PJA2: variants seen among roughly 807,000 people sequenced by gnomAD.
The protein encoded by PJA2 is praja ring finger ubiquitin ligase 2.
A neutral mutation model predicts 69.3 loss-of-function variants in PJA2; 25 were observed. That is an observed-to-expected ratio of 0.36 (90% CI 0.26 to 0.50). The LOEUF is 0.50. PJA2 is among the 20% of genes least tolerant of loss of function. The pLI is 0.96. For synonymous variants in PJA2, 308 were observed against 277.8 expected (o/e 1.11, Z -1.08); for missense variants, 809 against 830.2 (o/e 0.97, Z 0.31).
At position 109,381,509 on chromosome 5, in the gene PJA2, A is replaced by T. The variant is rs373591771; in HGVS notation, c.226T>A (p.Ser76Thr). The T allele has an allele frequency of 1.2e-6, 2 of 1,613,652 alleles. No homozygotes were observed. The highest frequency in any genetic ancestry group is 1.3e-5 in the African/African-American group (1 of 74,914). The part of the protein sequence containing the change: ...LELDDVPKEN[S>T]SGSSPLDQVD... ...ATAATTAAATGTTACACACCTGAGG[A>T]ATTTTCCTTTGGAACATCATCTAGT... Residue 76 changes from serine to threonine, a missense_variant, in exon 3 of 10, where the codon TCC becomes ACC. Physicochemically the swap from Ser to Thr is moderately conservative, Grantham distance 58. Coordinates refer to ENST00000361189, the MANE Select transcript of PJA2 (RefSeq NM_014819.5).
At chr5:109,371,594 TG>T (rs1285044852) in intron 4 of PJA2, among the ~76,000 whole-genome samples, 1 of 152,190 alleles carries the variant, frequency 6.6e-6, no homozygotes, top group Non-Finnish European at 1.5e-5. Flanking sequence ...TATTAATTGG[TG>T]TTCCTAAATT....
At chr5:109,384,210 T>C (rs971419875) in intron 1 of PJA2, among the ~76,000 whole-genome samples, 16 of 152,232 alleles carry the variant, frequency 1.1e-4, no homozygotes, top group Admixed American at 9.8e-4. Context: ...GTAAAGTTCC[T>C]TTAGCCCTGG....
intron 8 of PJA2, 54 bp from the exon 9 acceptor site, chr5:109,344,365 C>G (rs1762139426): frequency 6.5e-7 from 1 of 1,538,306 alleles, no homozygotes; most frequent in South Asian, 1.3e-5. Flanking sequence ...TTTAGTAAAA[C>G]TGAAAAGCAA....
At chr5:109,359,936 C>T (rs973054723) in intron 6 of PJA2, among the ~76,000 whole-genome samples, 7 of 151,968 alleles carry the variant, frequency 4.6e-5, no homozygotes, top group African/African-American at 1.5e-4. Flanking sequence ...GGACATCATG[C>T]CTGCAACTTA....
At chr5:109,364,044 G>T (rs1762540197) in intron 5 of PJA2, among the ~76,000 whole-genome samples, 1 of 152,120 alleles carries the variant, frequency 6.6e-6, no homozygotes, top group Non-Finnish European at 1.5e-5. Flanking sequence ...TCAGGAAGCT[G>T]AGGCATGAGA....
intron 5 of PJA2, among the ~76,000 whole-genome samples, chr5:109,366,833 C>A (rs1334817356): frequency 6.6e-6 from 1 of 152,018 alleles, no homozygotes; most frequent in East Asian, 1.9e-4. Flanking sequence ...TAAAGGCAAT[C>A]AAATATAAAA....
At chr5:109,349,942 T>A (rs576470599) in intron 7 of PJA2, among the ~76,000 whole-genome samples, 39 of 152,256 alleles carry the variant, frequency 2.6e-4, no homozygotes, top group Admixed American at 9.8e-4. Flanking sequence ...TAATTATGAA[T>A]CTCCTCCAAT....
At chr5:109,344,120 A>G (rs1176029044) in intron 9 of PJA2, 70 bp downstream of exon 9, 1 of 838,732 alleles carries the variant, frequency 1.2e-6, no homozygotes, top group Non-Finnish European at 1.7e-6. Context: ...AAAAAAAAAA[A>G]GATACTATTA....
intron 6 of PJA2, among the ~76,000 whole-genome samples, chr5:109,358,919 C>G (rs1314355817): frequency 6.6e-6 from 1 of 152,132 alleles, no homozygotes; most frequent in Admixed American, 6.6e-5. Flanking sequence ...TAAAAAGAAA[C>G]AGGTTATTTA....
chr5:109,343,655 GTTA>G (rs1290544760), intron 9 of PJA2, among the ~76,000 whole-genome samples: 2 of 152,148 alleles, frequency 1.3e-5, no homozygotes, highest in South Asian at 2.1e-4. Flanking sequence ...AAAACATGTT[GTTA>G]TTATTGTCTA....
rs1746955835 is a variant in PJA2, at chr5:109,378,584, A to G, written c.903T>C (p.Asp301=). 4 of 1,614,114 alleles carry G rather than the reference A, an allele frequency of 2.5e-6. No individual in the cohort carries two copies. The highest frequency in any genetic ancestry group is 3.4e-6 in the Non-Finnish European group (4 of 1,179,996). ...GHICSEQNTN[D]REKNHGSSPE... is the part of the protein sequence containing the mutation. ...GAGAACTTCCATGGTTCTTTTCCCT[A>G]TCATTGGTATTTTGTTCACTACAAA... The change falls in exon 4 of 10, where the codon GAT becomes GAC. Residue 301 remains aspartate (D), a synonymous_variant. Transcript: ENST00000361189.
chr5:109,364,686 A>T (rs1762558560), intron 5 of PJA2, among the ~76,000 whole-genome samples: 1 of 152,018 alleles, frequency 6.6e-6, no homozygotes, highest in Non-Finnish European at 1.5e-5. Context: ...GAAGTCACAA[A>T]ATTTGGACAC....
chr5:109,384,548 C>T (rs1260776460), intron 1 of PJA2, among the ~76,000 whole-genome samples: 1 of 152,148 alleles, frequency 6.6e-6, no homozygotes, highest in African/African-American at 2.4e-5. Context: ...AACACTTGAG[C>T]TACTGCTAAT....
chr5:109,378,207 T>A lies in PJA2; in HGVS notation c.1280A>T (p.Asp427Val). ...DYYQLYDKDEDSSECSDGEWS... is the reference protein window; with the variant it reads ...DYYQLYDKDEVSSECSDGEWS... ...AAAGTACTGGATGTGACCTTACCTATCTTCATCTTTGTCATAGAGTTGGTA... is the reference window on the plus strand; with the variant it reads ...AAAGTACTGGATGTGACCTTACCTAACTTCATCTTTGTCATAGAGTTGGTA... The change falls in exon 4 of 10, where the codon GAT (aspartate) becomes GTT (valine). Residue 427 changes from aspartate to valine, a missense_variant. Around this residue, in one of 4 missense-constraint regions of PJA2, gnomAD observed 700 missense variants for 639.5 expected, o/e 1.09. Transcript: ENST00000361189. 6.2e-7 allele frequency: 1 copy of A among 1,608,022 alleles called. No homozygotes were observed.
intron 5 of PJA2, among the ~76,000 whole-genome samples, chr5:109,365,670 T>C (rs1161811512): frequency 1.3e-5 from 2 of 152,186 alleles, no homozygotes; most frequent in Non-Finnish European, 2.9e-5. Context: ...CTGTTAGCAA[T>C]TCATTAAATA....
chr5:109,404,462 G>C (rs114217445), intron 1 of PJA2, among the ~76,000 whole-genome samples: 7 of 151,956 alleles, frequency 4.6e-5, no homozygotes, highest in African/African-American at 1.7e-4. Context: ...AGGTTGCAGC[G>C]AGCTGAGACT....
chr5:109,379,233 A>C lies in PJA2; in HGVS notation c.254T>G (p.Val85Gly), dbSNP rs1328470145. ...AGGTTCACTGGGTAAAGAAGAATCA[A>C]CTTGATCCAAAGGACTGGAACCTTC... is the stretch of plus-strand genomic sequence containing the variant. ...NSSGSSPLDQ[V>G]DSSLPSEPIF... Residue 85 changes from valine to glycine, a missense_variant, in exon 4 of 10, where the codon GTT becomes GGT. Transcript: ENST00000361189. 6.8e-6 allele frequency: 11 copies of C among 1,611,056 alleles called. No individual in the cohort carries two copies. In the Admixed American group the frequency reaches 1.8e-4, roughly 27 times the overall value.
Position 109,375,712 on chromosome 5 carries a change from G to A in PJA2, c.1283+2492C>T, listed in dbSNP as rs376836226. Among the ~76,000 whole-genome samples the A allele has an allele frequency of 2.2e-4, 33 of 152,222 alleles. No individual in the cohort carries two copies. In the East Asian group the frequency reaches 6.0e-3, roughly 28 times the overall value. On this transcript the variant is annotated intron_variant, in intron 4 of 9. Coordinates refer to ENST00000361189, the MANE Select transcript of PJA2 (RefSeq NM_014819.5). ...ATACTTTCCATCCAAAACCTGAGAA[G>A]ACTAGCATCACCATCTCTCCAATCT... is the stretch of plus-strand genomic sequence containing the variant.
At chr5:109,365,263 A>G (rs1295351114) in intron 5 of PJA2, among the ~76,000 whole-genome samples, 1 of 152,236 alleles carries the variant, frequency 6.6e-6, no homozygotes, top group Non-Finnish European at 1.5e-5. Context: ...ACTTAACTTT[A>G]TACGAGCTTC....
Sources: gnomAD v4.1 joint callset for allele counts (sites outside exome capture counted in the v4.1 genomes callset) on GRCh38, gnomAD v4.1.1 for gene constraint, gnomAD v4.1.1 regional missense constraint, MANE v1.5 for transcripts, NCBI Gene and HGNC (gene_info 2026-07-23, HGNC 2026-07-21) for gene names.